LRRTM4: variants seen among roughly 807,000 people sequenced by gnomAD.
The protein encoded by LRRTM4 is leucine rich repeat transmembrane neuronal 4.
In LRRTM4, 25 loss-of-function variants were observed where a neutral mutation model predicts 47.6. The observed-to-expected ratio is 0.53, with a 90% CI of 0.38 to 0.73. The LOEUF (loss-of-function observed/expected upper bound fraction) is 0.73, where lower values mean the gene tolerates loss of function less well. Among genes scored for constraint, LRRTM4 ranks in the 30% least tolerant of loss-of-function variants. The probability of loss-of-function intolerance (pLI) is 0.00; values close to 1 mark genes in which losing one functional copy is unlikely to be tolerated. For synonymous variants in LRRTM4, 311 were observed against 269.5 expected (o/e 1.15, Z -1.51); for missense variants, 638 against 713.4 (o/e 0.89, Z 1.20).
chr2:76,817,904 T>A (rs189507610), intron 3 of LRRTM4, among the ~76,000 whole-genome samples: 1 of 152,080 alleles, frequency 6.6e-6, no homozygotes, highest in African/African-American at 2.4e-5. Flanking sequence ...GGAAGAGGAA[T>A]TGTGTTATTT....
At chr2:77,218,081 C>T (rs1573092465) in intron 3 of LRRTM4, among the ~76,000 whole-genome samples, 1 of 152,216 alleles carries the variant, frequency 6.6e-6, no homozygotes, top group African/African-American at 2.4e-5. Flanking sequence ...TACAACCTCC[C>T]CGTCTCAGGT....
At chr2:77,290,632 G>C (rs1319340323) in intron 3 of LRRTM4, among the ~76,000 whole-genome samples, 2 of 151,906 alleles carry the variant, frequency 1.3e-5, no homozygotes, top group Admixed American at 6.6e-5. Context: ...GGTATTCTGT[G>C]CTTGTATCAA....
At chr2:77,173,210 G>A (rs1037776290) in intron 3 of LRRTM4, among the ~76,000 whole-genome samples, 3 of 152,200 alleles carry the variant, frequency 2.0e-5, no homozygotes, top group Middle Eastern at 3.4e-3. Context: ...AATTGAATTC[G>A]GCCATGATTT....
intron 3 of LRRTM4, among the ~76,000 whole-genome samples, chr2:77,044,432 T>C (rs1679160620): frequency 6.6e-6 from 1 of 151,780 alleles, no homozygotes; most frequent in Non-Finnish European, 1.5e-5. Flanking sequence ...CTATTCTCTC[T>C]GAAAAGAGAG....
intron 3 of LRRTM4, among the ~76,000 whole-genome samples, chr2:77,131,081 G>A (rs1243382956): frequency 8.2e-4 from 118 of 144,688 alleles, no homozygotes; most frequent in Middle Eastern, 8.6e-3. Context: ...TGATCCGCCC[G>A]CCTCGGCCTC....
At position 76,904,703 on chromosome 2, in the gene LRRTM4, T is replaced by C. The variant is rs113390184; in HGVS notation, c.1552-155787A>G. ...AACACTGGCTTTGAAGTCAGCAAACTGACACTCAAACTCCATACACCACCG... is the reference window on the plus strand; with the variant it reads ...AACACTGGCTTTGAAGTCAGCAAACCGACACTCAAACTCCATACACCACCG... On this transcript the variant is annotated intron_variant, in intron 3 of 3. Transcript: ENST00000409884. 2.8e-3 allele frequency among the ~76,000 whole-genome samples: 426 copies of C among 152,234 alleles called. 4 individuals carry two copies. The highest frequency in any genetic ancestry group is 9.9e-3 in the African/African-American group (412 of 41,528).
chr2:77,351,461 T>C (rs1671767403), intron 3 of LRRTM4, among the ~76,000 whole-genome samples: 1 of 151,798 alleles, frequency 6.6e-6, no homozygotes, highest in South Asian at 2.1e-4. Flanking sequence ...CCACCAGCAG[T>C]AGGATAGTTG....
chr2:77,028,766 T>A (rs1232364953), intron 3 of LRRTM4, among the ~76,000 whole-genome samples: 10 of 151,968 alleles, frequency 6.6e-5, no homozygotes, highest in African/African-American at 1.9e-4. Context: ...CCTGGCGCGG[T>A]GGCTCACTCC....
At chr2:77,069,401 A>ATGTGTGTGTGTGTGTGTGTGTGTG (rs3058064) in intron 3 of LRRTM4, among the ~76,000 whole-genome samples, 5 of 141,476 alleles carry the variant, frequency 3.5e-5, no homozygotes, top group African/African-American at 1.3e-4. Flanking sequence ...ACATTTCACT[A>ATGTGTGTGTGTGTGTGTGTGTGTG]TGTGTGTGTG....
intron 3 of LRRTM4, among the ~76,000 whole-genome samples, chr2:76,914,101 T>G (rs770512753): frequency 9.2e-5 from 14 of 151,930 alleles, no homozygotes; most frequent in Non-Finnish European, 1.9e-4. Flanking sequence ...TTACTGGGAT[T>G]AGTCTTAGAC....
chr2:76,894,194 G>A (rs570561788), intron 3 of LRRTM4, among the ~76,000 whole-genome samples: 2 of 152,096 alleles, frequency 1.3e-5, no homozygotes, highest in South Asian at 2.1e-4. Flanking sequence ...TTAAAATGCA[G>A]TAGTTTCCCT....
intron 3 of LRRTM4, among the ~76,000 whole-genome samples, chr2:77,063,585 G>A (rs994160644): frequency 2.0e-5 from 3 of 151,648 alleles, no homozygotes; most frequent in Admixed American, 1.3e-4. Flanking sequence ...TTTTTATCCA[G>A]AAGTCTTTAA....
At chr2:77,148,909 A>G (rs1035788158) in intron 3 of LRRTM4, among the ~76,000 whole-genome samples, 2 of 152,156 alleles carry the variant, frequency 1.3e-5, no homozygotes, top group African/African-American at 4.8e-5. Flanking sequence ...CAAGATTTTT[A>G]CTCTATGCCC....
chr2:76,933,962 G>A lies in LRRTM4; in HGVS notation c.1552-185046C>T, dbSNP rs1329883758. 2.0e-5 allele frequency among the ~76,000 whole-genome samples: 3 copies of A among 152,206 alleles called. No homozygotes were observed. The East Asian group carries it at 5.8e-4, about 29-fold the overall frequency. ...ATTTCAAATATATTGGTAATAGTCT[G>A]TCCTATTCAGATACACCCATGCTGA... On this transcript the variant is annotated intron_variant, in intron 3 of 3. Transcript: ENST00000409884.
intron 3 of LRRTM4, among the ~76,000 whole-genome samples, chr2:76,808,803 G>A (rs778918316): frequency 1.4e-5 from 2 of 146,762 alleles, no homozygotes; most frequent in Non-Finnish European, 3.0e-5. Flanking sequence ...AACAGGAACT[G>A]CTGAGCATTT....
chr2:77,156,771 A>AATG (rs918073084), intron 3 of LRRTM4, among the ~76,000 whole-genome samples: 1 of 151,010 alleles, frequency 6.6e-6, no homozygotes, highest in South Asian at 2.1e-4. Context: ...GCAGTGGCAT[A>AATG]ATGATGACTC....
intron 3 of LRRTM4, among the ~76,000 whole-genome samples, chr2:77,479,032 T>A (rs1351651435): frequency 6.6e-6 from 1 of 152,012 alleles, no homozygotes; most frequent in Non-Finnish European, 1.5e-5. Context: ...GTAGCTGGGA[T>A]TATAGGCATG....
intron 3 of LRRTM4, among the ~76,000 whole-genome samples, chr2:76,981,013 A>T (rs1676590762): frequency 6.6e-6 from 1 of 152,120 alleles, no homozygotes; most frequent in African/African-American, 2.4e-5. Context: ...GCAAAGTTGT[A>T]ATGACTTGAT....
intron 3 of LRRTM4, among the ~76,000 whole-genome samples, chr2:76,941,920 C>T (rs1412123900): frequency 1.3e-5 from 2 of 152,172 alleles, no homozygotes; most frequent in Non-Finnish European, 2.9e-5. Flanking sequence ...CTAATTTACA[C>T]TCCCACCAAC....
Sources: allele counts gnomAD v4.1 joint callset (sites outside exome capture counted in the v4.1 genomes callset), GRCh38; gene constraint gnomAD v4.1.1; transcripts MANE v1.5; gene names NCBI Gene and HGNC (gene_info 2026-07-23, HGNC 2026-07-21).